Variants in COG6 observed in about 807,000 individuals in gnomAD.
COG6 encodes the protein conserved oligomeric Golgi complex subunit 6.
A neutral mutation model predicts 88.8 loss-of-function variants in COG6; 74 were observed. That is an observed-to-expected ratio of 0.83 (90% confidence interval 0.69 to 1.01). COG6 has a LOEUF of 1.01. COG6 is among the 50% of genes least tolerant of loss of function. The probability of loss-of-function intolerance (pLI) is 0.00; values close to 1 mark genes in which losing one functional copy is unlikely to be tolerated. For synonymous variants in COG6, 286 were observed against 278.7 expected, an observed-to-expected ratio of 1.03 and a Z score of -0.26; for missense variants, 800 against 797.9, an observed-to-expected ratio of 1.00 and a Z score of -0.03.
chr13:39,772,005 A>AT (rs1442957170), intron 18 of COG6, among the ~76,000 whole-genome samples: 1 of 152,138 alleles, frequency 6.6e-6, no homozygotes, highest in Admixed American at 6.5e-5. Flanking sequence ...TTCCTCCCAA[A>AT]TTAAGTACAA....
intron 13 of COG6, among the ~76,000 whole-genome samples, chr13:39,700,873 A>G (rs994344051): frequency 2.6e-5 from 4 of 151,922 alleles, no homozygotes; most frequent in Non-Finnish European, 5.9e-5. Flanking sequence ...ATGGAGTTGA[A>G]CTTTGAAGAA....
At chr13:39,722,410 T>C (rs1292633675) in intron 15 of COG6, among the ~76,000 whole-genome samples, 1 of 152,090 alleles carries the variant, frequency 6.6e-6, no homozygotes, top group East Asian at 1.9e-4. Context: ...TTCTTTTAGC[T>C]TCCTCACCTC....
At chr13:39,693,157 T>C (rs1054197185) in intron 11 of COG6, among the ~76,000 whole-genome samples, 1 of 152,050 alleles carries the variant, frequency 6.6e-6, no homozygotes, top group Non-Finnish European at 1.5e-5. Context: ...GTCTCCTGAT[T>C]TTCCAGCCTT....
intron 3 of COG6, among the ~76,000 whole-genome samples, chr13:39,662,029 T>G (rs527819728): frequency 6.6e-6 from 1 of 152,038 alleles, no homozygotes; most frequent in Non-Finnish European, 1.5e-5. Flanking sequence ...CTTTTCATCA[T>G]AGAGAGATTT....
Position 39,680,253 on chromosome 13 carries a change from C to T in COG6, c.694+208C>T, listed in dbSNP as rs78673211. Among the ~76,000 whole-genome samples, 9,413 of 151,906 alleles carry T rather than the reference C, an allele frequency of 0.062. 384 individuals carry two copies. Among genetic ancestry groups the T allele is most frequent in the Non-Finnish European group, 0.095 (6,434 of 67,802 alleles). ...TCAAAAATATTTTAAAAAAGAAAAA[C>T]AAACTTCACATTTGAGCACACTGTT... is the stretch of plus-strand genomic sequence containing the variant. On this transcript the variant is annotated intron_variant, in intron 7 of 18. Coordinates refer to ENST00000455146, the MANE Select transcript of COG6 (RefSeq NM_020751.3).
At position 39,722,315 on chromosome 13, in the gene COG6, A is replaced by G. The variant is rs1399524668; in HGVS notation, c.1585-1018A>G. Among the ~76,000 whole-genome samples the G allele has an allele frequency of 2.0e-5, 3 of 152,116 alleles. No homozygotes were observed. The East Asian group carries it at 5.8e-4, about 29-fold the overall frequency. On this transcript the variant is annotated intron_variant, in intron 15 of 18. Coordinates refer to ENST00000455146, the MANE Select transcript of COG6 (RefSeq NM_020751.3). ...TACTTCCTTGGGCATTTATTTAAAA[A>G]AAAAAAAAATGAAAGTACTTTATGT...
chr13:39,769,994 T>A (rs747686343), intron 18 of COG6, among the ~76,000 whole-genome samples: 4 of 152,214 alleles, frequency 2.6e-5, no homozygotes, highest in Non-Finnish European at 4.4e-5. Flanking sequence ...CAGCCCGAAC[T>A]AACTAAAACA....
intron 4 of COG6, among the ~76,000 whole-genome samples, chr13:39,667,960 C>A (rs7325354): frequency 6.6e-6 from 1 of 151,956 alleles, no homozygotes; most frequent in Non-Finnish European, 1.5e-5. Flanking sequence ...TTTGACTTAA[C>A]GATAAGCAAG....
At chr13:39,745,561 T>G (rs1358526476) in intron 18 of COG6, among the ~76,000 whole-genome samples, 1 of 152,178 alleles carries the variant, frequency 6.6e-6, no homozygotes, top group Non-Finnish European at 1.5e-5. Context: ...CCAGTTAGAA[T>G]AGTGATCATT....
At chr13:39,684,496 C>T (rs1394428286) in intron 8 of COG6, among the ~76,000 whole-genome samples, 4 of 151,634 alleles carry the variant, frequency 2.6e-5, no homozygotes, top group Non-Finnish European at 5.9e-5. Context: ...GTGATCCACC[C>T]GCCTCGGCCT....
intron 18 of COG6, among the ~76,000 whole-genome samples, chr13:39,767,408 C>T (rs912041866): frequency 1.5e-5 from 2 of 137,184 alleles, no homozygotes; most frequent in Admixed American, 6.9e-5. Flanking sequence ...TCAGAAATTA[C>T]GGATTTTTTT....
At chr13:39,688,654 G>T (rs1332518163) in intron 10 of COG6, among the ~76,000 whole-genome samples, 1 of 152,056 alleles carries the variant, frequency 6.6e-6, no homozygotes, top group East Asian at 1.9e-4. Flanking sequence ...GAATTTAGAG[G>T]GGACAAACAT....
At chr13:39,736,356 C>CT (rs920056289) in intron 18 of COG6, among the ~76,000 whole-genome samples, 22 of 152,178 alleles carry the variant, frequency 1.4e-4, no homozygotes, top group African/African-American at 4.8e-4. Context: ...CTGCCTGATT[C>CT]TTTTTGACTA....
chr13:39,752,774 T>A (rs1880708820), downstream of COG6: 1 of 669,086 alleles, frequency 1.5e-6, no homozygotes, highest in African/African-American at 2.0e-5. Context: ...GTGGTATATA[T>A]GATCTTGAGA....
At chr13:39,788,328 C>T in intron 18 of COG6, 1 of 1,551,772 alleles carries the variant, frequency 6.4e-7, no homozygotes, top group South Asian at 1.2e-5. Context: ...TTGGCATTTG[C>T]TCACAGGCGT....
chr13:39,707,924 G>T (rs1004084524), intron 13 of COG6, among the ~76,000 whole-genome samples: 1 of 152,074 alleles, frequency 6.6e-6, no homozygotes, highest in African/African-American at 2.4e-5. Flanking sequence ...GGAATATCTG[G>T]ATTATAAGAT....
intron 18 of COG6, among the ~76,000 whole-genome samples, chr13:39,736,631 C>T (rs1019565643): frequency 6.6e-6 from 1 of 152,164 alleles, no homozygotes; most frequent in Non-Finnish European, 1.5e-5. Flanking sequence ...GCGGAGGTTA[C>T]GGTGAGCCGA....
chr13:39,730,541 C>T (rs1879376946), intron 18 of COG6, among the ~76,000 whole-genome samples: 3 of 151,646 alleles, frequency 2.0e-5, no homozygotes, highest in East Asian at 2.0e-4. Flanking sequence ...TTTGGGAGGT[C>T]GAGGCAGGCA....
intron 18 of COG6, among the ~76,000 whole-genome samples, chr13:39,730,657 C>T (rs1307145752): frequency 1.3e-5 from 2 of 149,612 alleles, no homozygotes; most frequent in Non-Finnish European, 3.0e-5. Context: ...GCCTGTATTC[C>T]CAGCTACTTA....
Sources: allele counts gnomAD v4.1 joint callset (sites outside exome capture counted in the v4.1 genomes callset), GRCh38; gene constraint gnomAD v4.1.1; transcripts MANE v1.5; gene names NCBI Gene and HGNC (gene_info 2026-07-23, HGNC 2026-07-21).